The following SDCCAG8 variants were observed in gnomAD, a reference collection of about 807,000 sequenced individuals.
The protein encoded by SDCCAG8 is SHH signaling and ciliogenesis regulator SDCCAG8.
In SDCCAG8, 74 loss-of-function variants were observed where a neutral mutation model predicts 101.8. That is an observed-to-expected ratio of 0.73 (90% CI 0.60 to 0.88). The LOEUF (loss-of-function observed/expected upper bound fraction) is 0.88. SDCCAG8 is among the 40% of genes least tolerant of loss of function. The pLI is 0.00. For synonymous variants in SDCCAG8, 281 were observed against 292.9 expected (o/e 0.96, Z 0.41); for missense variants, 787 against 822.6 (o/e 0.96, Z 0.53).
intron 11 of SDCCAG8, among the ~76,000 whole-genome samples, chr1:243,341,389 A>G (rs1201217655): frequency 1.3e-5 from 2 of 152,256 alleles, no homozygotes; most frequent in African/African-American, 2.4e-5. Context: ...TGCAAGGATG[A>G]ATTAGACACC....
intron 4 of SDCCAG8, among the ~76,000 whole-genome samples, chr1:243,279,690 T>A (rs570502126): frequency 6.6e-6 from 1 of 152,378 alleles, no homozygotes. Flanking sequence ...ACATTGTTGA[T>A]ATGATGGATT....
intron 6 of SDCCAG8, among the ~76,000 whole-genome samples, chr1:243,297,221 G>A (rs2149303638): frequency 6.6e-6 from 1 of 152,090 alleles, no homozygotes; most frequent in East Asian, 1.9e-4. Flanking sequence ...GGTTTCTGTT[G>A]TCCACCATTA....
At chr1:243,299,612 T>A (rs750790343) in intron 6 of SDCCAG8, among the ~76,000 whole-genome samples, 19 of 151,560 alleles carry the variant, frequency 1.3e-4, no homozygotes, top group Non-Finnish European at 2.7e-4. Context: ...CGGGGTTTCA[T>A]CATATTGGTC....
chr1:243,285,786 A>G lies in SDCCAG8; in HGVS notation c.421-486A>G, dbSNP rs568794422. ...ATACTCTTTCACAATTCTCCATGAA[A>G]TGTTTTACTACAATTCTCTCTTATT... On this transcript the variant is annotated intron_variant, in intron 4 of 17. Transcript: ENST00000366541. Among the ~76,000 whole-genome samples the G allele has an allele frequency of 1.2e-3, 181 of 152,276 alleles. 2 individuals carry two copies. Among genetic ancestry groups the G allele is most frequent in the African/African-American group, 4.1e-3 (170 of 41,558 alleles).
intron 17 of SDCCAG8, among the ~76,000 whole-genome samples, chr1:243,498,826 T>C (rs1319373746): frequency 6.6e-6 from 1 of 152,216 alleles, no homozygotes; most frequent in Non-Finnish European, 1.5e-5. Context: ...TTTTGGAAGA[T>C]GGTTCCTAAC....
intron 16 of SDCCAG8, among the ~76,000 whole-genome samples, chr1:243,488,781 A>T (rs978304949): frequency 6.6e-6 from 1 of 152,074 alleles, no homozygotes; most frequent in African/African-American, 2.4e-5. Flanking sequence ...CGTGTTTTCT[A>T]ATTGATAGTG....
At chr1:243,463,824 A>G (rs1163974026) in intron 16 of SDCCAG8, among the ~76,000 whole-genome samples, 1 of 151,946 alleles carries the variant, frequency 6.6e-6, no homozygotes, top group Admixed American at 6.6e-5. Flanking sequence ...TAGGGAGGGT[A>G]ATGAGACCGT....
At chr1:243,376,400 T>A (rs1248553523) in intron 12 of SDCCAG8, among the ~76,000 whole-genome samples, 1 of 152,152 alleles carries the variant, frequency 6.6e-6, no homozygotes, top group Non-Finnish European at 1.5e-5. Context: ...GAGCCCTGAT[T>A]TGCGTTGGCT....
At chr1:243,360,041 T>C (rs2076607178) in intron 12 of SDCCAG8, among the ~76,000 whole-genome samples, 1 of 152,180 alleles carries the variant, frequency 6.6e-6, no homozygotes, top group South Asian at 2.1e-4. Flanking sequence ...CTGAGCATTT[T>C]TTCAGATGCT....
chr1:243,473,193 C>T (rs1661596817), intron 16 of SDCCAG8, among the ~76,000 whole-genome samples: 1 of 152,062 alleles, frequency 6.6e-6, no homozygotes, highest in South Asian at 2.1e-4. Context: ...TGTACATGGT[C>T]CCAAATTTGT....
chr1:243,497,108 T>A (rs1354582233), intron 17 of SDCCAG8, among the ~76,000 whole-genome samples: 1 of 152,156 alleles, frequency 6.6e-6, no homozygotes, highest in South Asian at 2.1e-4. Flanking sequence ...CCATGATCAC[T>A]GTGGTGTTGA....
chr1:243,403,659 G>A (rs537562551), intron 13 of SDCCAG8, among the ~76,000 whole-genome samples: 4 of 152,094 alleles, frequency 2.6e-5, no homozygotes, highest in African/African-American at 9.7e-5. Flanking sequence ...TTCCCATGGG[G>A]CGCTAACCGT....
intron 16 of SDCCAG8, among the ~76,000 whole-genome samples, chr1:243,436,657 A>G (rs1449856553): frequency 6.6e-6 from 1 of 152,206 alleles, no homozygotes; most frequent in East Asian, 1.9e-4. Context: ...TGGGAGGGAA[A>G]ATTTTATATT....
intron 1 of SDCCAG8, among the ~76,000 whole-genome samples, chr1:243,258,411 T>G (rs1281267666): frequency 6.6e-6 from 1 of 152,202 alleles, no homozygotes; most frequent in African/African-American, 2.4e-5. Flanking sequence ...AGTAGTATAA[T>G]TTATTTATTT....
chr1:243,373,480 TCTGTG>T (rs1201967645), intron 12 of SDCCAG8, among the ~76,000 whole-genome samples: 2 of 152,112 alleles, frequency 1.3e-5, no homozygotes, highest in Admixed American at 6.6e-5. Context: ...CTTTGGCTGA[TCTGTG>T]CTGTATTTGA....
At chr1:243,359,119 G>A (rs1266605170) in intron 12 of SDCCAG8, among the ~76,000 whole-genome samples, 1 of 152,196 alleles carries the variant, frequency 6.6e-6, no homozygotes, top group Non-Finnish European at 1.5e-5. Flanking sequence ...AGGAGGAGGA[G>A]TGTTAGCCAG....
intron 13 of SDCCAG8, among the ~76,000 whole-genome samples, chr1:243,402,258 T>C (rs1284866392): frequency 6.6e-6 from 1 of 152,022 alleles, no homozygotes; most frequent in African/African-American, 2.4e-5. Flanking sequence ...GGAAACCTTG[T>C]CTCAACTAAA....
At chr1:243,496,175 A>G (rs566206270) in intron 17 of SDCCAG8, among the ~76,000 whole-genome samples, 12 of 152,240 alleles carry the variant, frequency 7.9e-5, no homozygotes, top group Non-Finnish European at 1.5e-4. Flanking sequence ...GCCCAGAGAA[A>G]TGAAGTGAAT....
chr1:243,275,856 GTTTTTTTTTTT>G (rs11344816), intron 4 of SDCCAG8, among the ~76,000 whole-genome samples: 5 of 59,158 alleles, frequency 8.5e-5, no homozygotes, highest in Admixed American at 7.5e-4. Context: ...TTGAACCAAT[GTTTTTTTTTTT>G]TTTTTTTTTT....
Sources: gnomAD v4.1 joint callset for allele counts (sites outside exome capture counted in the v4.1 genomes callset) on GRCh38, gnomAD v4.1.1 for gene constraint, MANE v1.5 for transcripts, NCBI Gene and HGNC (gene_info 2026-07-23, HGNC 2026-07-21) for gene names.